C10orf90: variants seen among roughly 807,000 people sequenced by gnomAD.
The protein encoded by C10orf90 is chromosome 10 open reading frame 90.
In C10orf90, 56 loss-of-function variants were observed where a neutral mutation model predicts 62.5. The ratio of observed to expected loss-of-function variants is 0.90; its 90% CI spans 0.72 to 1.12. The LOEUF (loss-of-function observed/expected upper bound fraction) is 1.12, where lower values mean the gene tolerates loss of function less well. Among genes scored for constraint, C10orf90 ranks in the 50% most tolerant of loss-of-function variants. The probability of loss-of-function intolerance (pLI) is 0.00; values close to 1 mark genes in which losing one functional copy is unlikely to be tolerated. For synonymous variants in C10orf90, 386 were observed against 340.4 expected, an observed-to-expected ratio of 1.13 and a Z score of -1.47; for missense variants, 970 against 880.4, an observed-to-expected ratio of 1.10 and a Z score of -1.29.
chr10:126,565,629 G>A (rs1232230353), intron 2 of C10orf90, among the ~76,000 whole-genome samples: 1 of 151,322 alleles, frequency 6.6e-6, no homozygotes, highest in African/African-American at 2.4e-5. Context: ...TGCACTTGTG[G>A]TAGCTTAAGG....
chr10:126,565,335 T>TATATA (rs1844345105), intron 2 of C10orf90, among the ~76,000 whole-genome samples: 1 of 44,472 alleles, frequency 2.2e-5, no homozygotes, highest in African/African-American at 1.1e-4. Flanking sequence ...ATATTTATAT[T>TATATA]ATATATAATA....
chr10:126,599,282 TTCACGCC>T (rs1283581801), intron 2 of C10orf90, among the ~76,000 whole-genome samples: 1 of 150,096 alleles, frequency 6.7e-6, no homozygotes, highest in East Asian at 2.0e-4. Context: ...GCCTCCCGGG[TTCACGCC>T]ATTCTCCTGC....
In C10orf90 at chr10:126,445,475, C is replaced by A. The variant is rs1858700902; in HGVS notation, c.2188+13565G>T. Among the ~76,000 whole-genome samples, 2 of 152,146 alleles carry A rather than the reference C, an allele frequency of 1.3e-5. 1 individual carries two copies. Among genetic ancestry groups the A allele is most frequent in the South Asian group, 4.1e-4 (2 of 4,830 alleles). ...AAAACCACAATGTGATACCACCTTA[C>A]TTCTGCAAGAATGGCCATAATAAAA... is the stretch of plus-strand genomic sequence containing the variant. On this transcript the variant is annotated intron_variant, in intron 7 of 9. Coordinates refer to ENST00000488181, the MANE Select transcript of C10orf90 (RefSeq NM_001350921.2).
intron 2 of C10orf90, among the ~76,000 whole-genome samples, chr10:126,515,017 G>A (rs1056636221): frequency 1.3e-5 from 2 of 152,216 alleles, no homozygotes; most frequent in Non-Finnish European, 2.9e-5. Context: ...TGATGAGAAA[G>A]AAGAGATTTA....
intron 2 of C10orf90, among the ~76,000 whole-genome samples, chr10:126,616,892 C>T (rs892502992): frequency 2.2e-4 from 34 of 152,110 alleles, no homozygotes; most frequent in African/African-American, 5.3e-4. Flanking sequence ...AAAGTAGGTC[C>T]GCAACATTGA....
At chr10:126,552,900 T>C (rs1206555387) in intron 2 of C10orf90, among the ~76,000 whole-genome samples, 1 of 152,206 alleles carries the variant, frequency 6.6e-6, no homozygotes, top group Non-Finnish European at 1.5e-5. Context: ...AGAATGCCAC[T>C]GCAATACACT....
chr10:126,633,400 G>A (rs1313448960), intron 2 of C10orf90, among the ~76,000 whole-genome samples: 2 of 152,244 alleles, frequency 1.3e-5, no homozygotes, highest in Non-Finnish European at 2.9e-5. Context: ...CAGGAGACAG[G>A]CCTGATCCAC....
At chr10:126,583,080 C>T (rs1844786702) in intron 2 of C10orf90, among the ~76,000 whole-genome samples, 1 of 152,154 alleles carries the variant, frequency 6.6e-6, no homozygotes, top group South Asian at 2.1e-4. Context: ...CACCAGTAAA[C>T]CTCACTCCAT....
At chr10:126,523,101 A>C (rs1422028322) in intron 2 of C10orf90, among the ~76,000 whole-genome samples, 1 of 152,144 alleles carries the variant, frequency 6.6e-6, no homozygotes, top group South Asian at 2.1e-4. Flanking sequence ...TAATAAAGAC[A>C]TTTTAAAAGC....
At chr10:126,608,409 G>C (rs1274492478) in intron 2 of C10orf90, among the ~76,000 whole-genome samples, 1 of 152,124 alleles carries the variant, frequency 6.6e-6, no homozygotes, top group Admixed American at 6.5e-5. Flanking sequence ...ACCATGCCTA[G>C]CCTGAATGTA....
chr10:126,476,908 CTTTTTTTTTT>C (rs10590718), intron 4 of C10orf90, among the ~76,000 whole-genome samples: 1 of 120,798 alleles, frequency 8.3e-6, no homozygotes, highest in Admixed American at 8.9e-5. Flanking sequence ...CACCATTTTC[CTTTTTTTTTT>C]TTTTTTTTTG....
intron 1 of C10orf90, among the ~76,000 whole-genome samples, chr10:126,663,904 C>A (rs1480264842): frequency 6.6e-6 from 1 of 152,144 alleles, no homozygotes; most frequent in African/African-American, 2.4e-5. Context: ...TGCAATCTTC[C>A]ATAAGATGGT....
intron 2 of C10orf90, among the ~76,000 whole-genome samples, chr10:126,542,080 G>A (rs1317568538): frequency 6.6e-6 from 1 of 152,178 alleles, no homozygotes; most frequent in Non-Finnish European, 1.5e-5. Flanking sequence ...GTCATATAGT[G>A]TATGATTCTC....
intron 2 of C10orf90, among the ~76,000 whole-genome samples, chr10:126,610,423 A>G (rs527298361): frequency 1.3e-5 from 2 of 152,284 alleles, no homozygotes; most frequent in Admixed American, 6.5e-5. Context: ...CCCACATCTC[A>G]TAAATGGTTC....
intron 4 of C10orf90, among the ~76,000 whole-genome samples, chr10:126,495,938 C>A (rs888723897): frequency 2.0e-5 from 3 of 152,188 alleles, no homozygotes; most frequent in Non-Finnish European, 4.4e-5. Context: ...AACTGCTCGG[C>A]ACTCTTTACG....
intron 1 of C10orf90, among the ~76,000 whole-genome samples, chr10:126,660,294 A>G (rs1846482637): frequency 1.3e-5 from 2 of 152,230 alleles, no homozygotes; most frequent in Non-Finnish European, 2.9e-5. Context: ...GTTGACATTG[A>G]GTCAATCAAA....
intron 7 of C10orf90, among the ~76,000 whole-genome samples, chr10:126,454,174 T>C (rs969586680): frequency 1.3e-5 from 2 of 152,042 alleles, no homozygotes; most frequent in Non-Finnish European, 2.9e-5. Context: ...ACTGTATCCT[T>C]ACTGCCTGCA....
chr10:126,578,894 T>G (rs1051170504), intron 2 of C10orf90, among the ~76,000 whole-genome samples: 7 of 152,186 alleles, frequency 4.6e-5, no homozygotes, highest in African/African-American at 1.7e-4. Context: ...ATCTGGCCAC[T>G]ATGCCAATCC....
intron 2 of C10orf90, among the ~76,000 whole-genome samples, chr10:126,637,536 C>T (rs1845975972): frequency 6.6e-6 from 1 of 152,238 alleles, no homozygotes; most frequent in African/African-American, 2.4e-5. Context: ...GAAAGCATGA[C>T]TGCAACAGGC....
Sources: allele counts gnomAD v4.1 joint callset (sites outside exome capture counted in the v4.1 genomes callset), GRCh38; gene constraint gnomAD v4.1.1; transcripts MANE v1.5; gene names NCBI Gene and HGNC (gene_info 2026-07-23, HGNC 2026-07-21).